The following SLIT3 variants were observed in gnomAD, a reference collection of about 807,000 sequenced individuals.
The protein encoded by SLIT3 is slit guidance ligand 3, also known as slit homolog 3 protein.
SLIT3 carries 68 observed loss-of-function variants against 184.0 expected under a neutral mutation model. The ratio of observed to expected loss-of-function variants is 0.37; its 90% CI spans 0.30 to 0.45. The LOEUF (loss-of-function observed/expected upper bound fraction) is 0.45. Ranked by LOEUF, SLIT3 falls within the 20% of genes least tolerant of loss-of-function variation. The pLI, the probability that SLIT3 is intolerant of heterozygous loss-of-function variation, is 1.00. For missense variants in SLIT3, 1,707 were observed against 2,026.0 expected (o/e 0.84, Z 3.02); for synonymous variants, 831 against 828.6 (o/e 1.00, Z -0.05).
intron 4 of SLIT3, among the ~76,000 whole-genome samples, chr5:169,150,598 G>A (rs1471801702): frequency 6.6e-6 from 1 of 151,994 alleles, no homozygotes; most frequent in Non-Finnish European, 1.5e-5. Context: ...GAGCAGTAAT[G>A]TCTGTTTTAA....
rs371291138 is a variant in SLIT3, at chr5:168,941,076, TA to T, written c.414-57741del. Among the ~76,000 whole-genome samples, 13 of 152,380 alleles carry T rather than the reference TA, an allele frequency of 8.5e-5. No homozygotes were observed. The East Asian group carries it at 2.5e-3, about 29-fold the overall frequency. On this transcript the variant is annotated intron_variant, in intron 4 of 35. Coordinates refer to ENST00000519560, the MANE Select transcript of SLIT3 (RefSeq NM_003062.4). ...CCTTTGAAAGACAATATTCCTGTTG[TA>T]ACCTGTAGCTTATTTGTTTCTCCTT...
chr5:169,217,962 C>T (rs1764500866), intron 3 of SLIT3, among the ~76,000 whole-genome samples: 1 of 152,226 alleles, frequency 6.6e-6, no homozygotes, highest in African/African-American at 2.4e-5. Context: ...AAAGCAAGAC[C>T]TTTCACAGAA....
chr5:168,992,146 C>A (rs923942294), intron 4 of SLIT3, among the ~76,000 whole-genome samples: 1 of 152,200 alleles, frequency 6.6e-6, no homozygotes, highest in Non-Finnish European at 1.5e-5. Flanking sequence ...CTCTCCTGAG[C>A]CACCCTTCTG....
At chr5:169,154,678 T>C (rs1238130441) in intron 4 of SLIT3, among the ~76,000 whole-genome samples, 1 of 152,252 alleles carries the variant, frequency 6.6e-6, no homozygotes, top group Non-Finnish European at 1.5e-5. Flanking sequence ...GGGAATTAAA[T>C]TTGTGATGAA....
chr5:168,746,017 G>GT (rs1372234209), intron 20 of SLIT3, among the ~76,000 whole-genome samples: 10 of 152,270 alleles, frequency 6.6e-5, no homozygotes, highest in Admixed American at 4.6e-4. Flanking sequence ...TGGTACATTG[G>GT]TTTTTTTCCA....
At chr5:169,098,686 A>T (rs1472493251) in intron 4 of SLIT3, among the ~76,000 whole-genome samples, 1 of 152,232 alleles carries the variant, frequency 6.6e-6, no homozygotes, top group South Asian at 2.1e-4. Flanking sequence ...GTCAAATGAC[A>T]GGAGGGTTAA....
At chr5:169,144,920 C>T (rs1581455834) in intron 4 of SLIT3, among the ~76,000 whole-genome samples, 1 of 152,336 alleles carries the variant, frequency 6.6e-6, no homozygotes, top group South Asian at 2.1e-4. Flanking sequence ...CTCCCACCTT[C>T]CTTAATCTGC....
intron 1 of SLIT3, among the ~76,000 whole-genome samples, chr5:169,264,679 T>C (rs1487007556): frequency 6.6e-6 from 1 of 152,144 alleles, no homozygotes. Context: ...AGAGCAGTGT[T>C]TCCCTTTGGG....
intron 4 of SLIT3, among the ~76,000 whole-genome samples, chr5:169,046,354 C>A (rs1481170606): frequency 1.3e-5 from 2 of 152,140 alleles, no homozygotes; most frequent in Non-Finnish European, 2.9e-5. Context: ...TAAATTAACA[C>A]AAGAAAGGAG....
intron 20 of SLIT3, among the ~76,000 whole-genome samples, chr5:168,725,349 C>T (rs1763074404): frequency 6.6e-6 from 1 of 152,182 alleles, no homozygotes; most frequent in South Asian, 2.1e-4. Context: ...GTTATTCCTA[C>T]CTATAAATAA....
rs577599347 is a variant in SLIT3, at chr5:169,037,176, C to T, written c.414-153840G>A. On this transcript the variant is annotated intron_variant, in intron 4 of 35. Coordinates refer to ENST00000519560, the MANE Select transcript of SLIT3 (RefSeq NM_003062.4). ...AGGGGCACTACTTCAACTTCAACAA[C>T]TAATACTCCTGTGAGATACACAAGA... 3.3e-5 allele frequency among the ~76,000 whole-genome samples: 5 copies of T among 152,340 alleles called. No individual in the cohort carries two copies. In the South Asian group the frequency reaches 1.0e-3, roughly 32 times the overall value.
intron 4 of SLIT3, among the ~76,000 whole-genome samples, chr5:169,001,704 T>A (rs1372516090): frequency 6.6e-6 from 1 of 152,022 alleles, no homozygotes; most frequent in African/African-American, 2.4e-5. Flanking sequence ...AACCCAGGAG[T>A]TTATCTCCCT....
intron 4 of SLIT3, among the ~76,000 whole-genome samples, chr5:169,168,377 C>T (rs556780994): frequency 1.5e-3 from 221 of 152,318 alleles, no homozygotes; most frequent in African/African-American, 4.8e-3. Flanking sequence ...AGAACACCAG[C>T]TCTCTGGGGC....
chr5:169,207,789 G>A (rs79738490), intron 3 of SLIT3, among the ~76,000 whole-genome samples: 1,818 of 152,150 alleles, frequency 0.012, 17 homozygotes, highest in Non-Finnish European at 0.019. Context: ...ACCTTTGGGC[G>A]GTGACTGGGC....
chr5:168,723,049 A>T, intron 21 of SLIT3, 45 bp from the exon 22 acceptor site: 1 of 1,453,576 alleles, frequency 6.9e-7, no homozygotes, highest in Non-Finnish European at 9.7e-7. Flanking sequence ...TCTTAGTTGC[A>T]TCTGTAGGAG....
chr5:169,078,097 T>A (rs995094065), intron 4 of SLIT3, among the ~76,000 whole-genome samples: 3 of 152,122 alleles, frequency 2.0e-5, no homozygotes, highest in Non-Finnish European at 2.9e-5. Context: ...TTCATTTTGC[T>A]TCACCCACAG....
intron 4 of SLIT3, among the ~76,000 whole-genome samples, chr5:168,885,785 C>T (rs564381110): frequency 6.6e-6 from 1 of 152,314 alleles, no homozygotes; most frequent in African/African-American, 2.4e-5. Context: ...GCATGTGTTC[C>T]AGTAATGCAC....
At chr5:169,225,075 T>A (rs1453690046) in intron 3 of SLIT3, among the ~76,000 whole-genome samples, 2 of 152,214 alleles carry the variant, frequency 1.3e-5, no homozygotes, top group Admixed American at 6.5e-5. Context: ...AAGTACTTCC[T>A]ACTAATAAGG....
At chr5:168,946,858 G>C (rs1266045728) in intron 4 of SLIT3, among the ~76,000 whole-genome samples, 4 of 152,038 alleles carry the variant, frequency 2.6e-5, no homozygotes, top group Non-Finnish European at 2.9e-5. Flanking sequence ...CCTCCCCTTC[G>C]AACACCTCTC....
Sources: allele counts gnomAD v4.1 joint callset (sites outside exome capture counted in the v4.1 genomes callset), GRCh38; gene constraint gnomAD v4.1.1; transcripts MANE v1.5; gene names NCBI Gene and HGNC (gene_info 2026-07-23, HGNC 2026-07-21).